The following PPP2R2C variants were observed in gnomAD, a reference collection of about 807,000 sequenced individuals.
The protein encoded by PPP2R2C is protein phosphatase 2, regulatory subunit B, gamma.
Under a neutral mutation model 45.3 loss-of-function variants are expected in PPP2R2C, and 10 were observed. That is an observed-to-expected ratio of 0.22 (90% CI 0.14 to 0.37). PPP2R2C has a LOEUF of 0.37. Among genes scored for constraint, PPP2R2C ranks in the 10% least tolerant of loss-of-function variants. PPP2R2C has a pLI of 1.00. For missense variants in PPP2R2C, 308 were observed against 619.7 expected, an observed-to-expected ratio of 0.50 and a Z score of 5.34; for synonymous variants, 257 against 245.4, an observed-to-expected ratio of 1.05 and a Z score of -0.44.
intron 1 of PPP2R2C, among the ~76,000 whole-genome samples, chr4:6,393,513 G>C (rs1716794219): frequency 6.6e-6 from 1 of 152,178 alleles, no homozygotes; most frequent in African/African-American, 2.4e-5. Flanking sequence ...CAGAAACCCA[G>C]TCCCCAGAAG....
At chr4:6,390,685 C>A (rs1311386680) in intron 1 of PPP2R2C, among the ~76,000 whole-genome samples, 1 of 152,212 alleles carries the variant, frequency 6.6e-6, no homozygotes, top group Non-Finnish European at 1.5e-5. Context: ...TCATTCCGGG[C>A]CAGGGAACGG....
chr4:6,391,943 G>A (rs1005494540), intron 1 of PPP2R2C, among the ~76,000 whole-genome samples: 5 of 152,192 alleles, frequency 3.3e-5, no homozygotes, highest in African/African-American at 1.2e-4. Flanking sequence ...AGACAGATAC[G>A]GGAACACACA....
At chr4:6,338,396 C>T (rs911715197) in intron 6 of PPP2R2C, among the ~76,000 whole-genome samples, 2 of 152,218 alleles carry the variant, frequency 1.3e-5, no homozygotes, top group Non-Finnish European at 2.9e-5. Context: ...AGAGCCTTCC[C>T]CACCCCCATC....
chr4:6,357,453 C>T (rs769509861), intron 5 of PPP2R2C, among the ~76,000 whole-genome samples: 4 of 152,224 alleles, frequency 2.6e-5, no homozygotes, highest in Non-Finnish European at 5.9e-5. Flanking sequence ...TGCAAGGACT[C>T]AACTCTGCTG....
intron 1 of PPP2R2C, among the ~76,000 whole-genome samples, chr4:6,416,910 T>C (rs1290900230): frequency 6.6e-6 from 1 of 152,008 alleles, no homozygotes; most frequent in Non-Finnish European, 1.5e-5. Flanking sequence ...GCTGGAGTAT[T>C]GGGGAGGGAG....
intron 2 of PPP2R2C, among the ~76,000 whole-genome samples, chr4:6,512,176 C>G (rs796404374): frequency 2.5e-3 from 28 of 10,986 alleles, no homozygotes; most frequent in South Asian, 3.8e-3. Context: ...GGTGATGGTG[C>G]TGATGGTGGT....
chr4:6,431,038 G>C (rs1005292556), intron 1 of PPP2R2C, among the ~76,000 whole-genome samples: 8 of 152,166 alleles, frequency 5.3e-5, no homozygotes, highest in African/African-American at 1.4e-4. Flanking sequence ...TGCCTCTTCC[G>C]GCAGCCCACT....
chr4:6,431,821 G>T (rs1181260432), intron 1 of PPP2R2C, among the ~76,000 whole-genome samples: 1 of 152,094 alleles, frequency 6.6e-6, no homozygotes, highest in Non-Finnish European at 1.5e-5. Flanking sequence ...AGTCATTTGG[G>T]GCTGCTCCCA....
chr4:6,500,760 G>A (rs1286408350), intron 2 of PPP2R2C, among the ~76,000 whole-genome samples: 1 of 152,260 alleles, frequency 6.6e-6, no homozygotes, highest in Non-Finnish European at 1.5e-5. Context: ...TACCCTGTAG[G>A]TGCCCCAGGA....
chr4:6,481,584 A>C (rs1486810856), intron 2 of PPP2R2C, among the ~76,000 whole-genome samples: 1 of 152,202 alleles, frequency 6.6e-6, no homozygotes, highest in African/African-American at 2.4e-5. Flanking sequence ...AATATCAAGT[A>C]GGTCAAATGG....
chr4:6,339,789 C>T (rs1733305122), intron 6 of PPP2R2C, among the ~76,000 whole-genome samples: 1 of 152,140 alleles, frequency 6.6e-6, no homozygotes, highest in Non-Finnish European at 1.5e-5. Flanking sequence ...CCCTGGCTAC[C>T]CTGGCCACGG....
chr4:6,538,353 C>T (rs556290361), intron 1 of PPP2R2C, among the ~76,000 whole-genome samples: 16 of 152,164 alleles, frequency 1.1e-4, no homozygotes, highest in Non-Finnish European at 1.9e-4. Flanking sequence ...GAGAGGTGCC[C>T]GCCGCCCATC....
rs182871850 is a variant in PPP2R2C at position 6,519,961 on chromosome 4, T to C, written c.49+15310A>G. On this transcript the variant is annotated intron_variant, in intron 2 of 9. Coordinates refer to the PPP2R2C transcript ENST00000506140. ...TATCTCACCACCTGGGGTGAGCTGC[T>C]TTGCCCCTGCAATTCTGCCTGGTTA... 4.6e-5 allele frequency among the ~76,000 whole-genome samples: 7 copies of C among 152,252 alleles called. No individual in the cohort carries two copies. In the East Asian group the frequency reaches 1.4e-3, roughly 29 times the overall value.
At chr4:6,359,536 A>C (rs1437446913) in intron 5 of PPP2R2C, among the ~76,000 whole-genome samples, 1 of 152,132 alleles carries the variant, frequency 6.6e-6, no homozygotes, top group Admixed American at 6.5e-5. Context: ...TTGAAATGAT[A>C]ATATTTCGGG....
chr4:6,424,006 C>T (rs1183553680), intron 1 of PPP2R2C, among the ~76,000 whole-genome samples: 1 of 152,236 alleles, frequency 6.6e-6, no homozygotes, highest in Non-Finnish European at 1.5e-5. Flanking sequence ...CAAGGCACCT[C>T]CTCCTGCCCA....
At chr4:6,497,038 G>T (rs1452932002) in intron 2 of PPP2R2C, among the ~76,000 whole-genome samples, 1 of 152,094 alleles carries the variant, frequency 6.6e-6, no homozygotes, top group African/African-American at 2.4e-5. Context: ...CTTCCTGAGG[G>T]ATGGAGAAGT....
At chr4:6,336,665 CTGCT>C (rs1288529642) in intron 6 of PPP2R2C, among the ~76,000 whole-genome samples, 5 of 3,782 alleles carry the variant, frequency 1.3e-3, no homozygotes, top group Admixed American at 6.3e-3. Flanking sequence ...CCCTCCCTCC[CTGCT>C]TCCATCCCTC....
intron 1 of PPP2R2C, among the ~76,000 whole-genome samples, chr4:6,404,771 G>A (rs77175187): frequency 0.13 from 19,714 of 152,220 alleles, 1,439 homozygotes; most frequent in African/African-American, 0.16. Context: ...GGAAAAGCGA[G>A]GTGGATTCAG....
rs1222206644 is a variant in PPP2R2C at position 6,563,448 on chromosome 4, C to T, written c.-59+112G>A. The T allele has an allele frequency of 6.6e-6, 1 of 152,336 alleles. No homozygotes were observed. Among genetic ancestry groups the T allele is most frequent in the African/African-American group, 2.4e-5 (1 of 41,422 alleles). 9.4% of individuals were successfully genotyped at this position (152,336 alleles called of 1,614,324 possible). ...CCTCCAGTCGCGGGAGTCCCGCACC[C>T]GAGGGCCGCGTCCCCGGGCAGGGTG... On this transcript the variant is annotated intron_variant, in intron 1 of 9. Transcript: ENST00000506140. This position sits in a 1 kb window ranked among gnomAD's most constrained non-coding sequence, Gnocchi z 5.8.
Sources: gnomAD v4.1 joint callset for allele counts (sites outside exome capture counted in the v4.1 genomes callset) on GRCh38, gnomAD v4.1.1 for gene constraint, Gnocchi (gnomAD v3.1) non-coding constraint, MANE v1.5 for transcripts, NCBI Gene and HGNC (gene_info 2026-07-23, HGNC 2026-07-21) for gene names.